GFOD2: variants seen among roughly 807,000 people sequenced by gnomAD.
GFOD2 encodes glucose-fructose oxidoreductase domain-containing protein 2.
A neutral mutation model predicts 24.6 loss-of-function variants in GFOD2; 9 were observed. The ratio of observed to expected loss-of-function variants is 0.37; its 90% CI spans 0.22 to 0.64. GFOD2 has a LOEUF of 0.64. Ranked by LOEUF, GFOD2 falls within the 30% of genes least tolerant of loss-of-function variation. The pLI is 0.65. For synonymous variants in GFOD2, 211 were observed against 224.8 expected (o/e 0.94, Z 0.55); for missense variants, 476 against 532.5 (o/e 0.89, Z 1.04).
chr16:67,703,319 C>G (rs539284387), intron 1 of GFOD2, among the ~76,000 whole-genome samples: 2 of 152,250 alleles, frequency 1.3e-5, no homozygotes, highest in African/African-American at 4.8e-5. Context: ...AGGAGAATCG[C>G]TTGAACCCAG....
At chr16:67,676,093 G>A (rs1269410750) in intron 2 of GFOD2, 40 bp from the exon 3 acceptor site, 4 of 1,530,228 alleles carry the variant, frequency 2.6e-6, no homozygotes, top group Non-Finnish European at 3.5e-6. Context: ...AAGTTTCAAG[G>A]GGGAATCTCC....
intron 1 of GFOD2, among the ~76,000 whole-genome samples, chr16:67,695,084 TC>T (rs2053348737): frequency 6.8e-6 from 1 of 147,968 alleles, no homozygotes; most frequent in South Asian, 2.2e-4. Context: ...CCTTTGCCGC[TC>T]CGGTTCAAGC....
chr16:67,677,774 T>C (rs1215757062), intron 2 of GFOD2: 1 of 152,276 alleles, frequency 6.6e-6, no homozygotes, highest in Non-Finnish European at 1.5e-5. Flanking sequence ...ACCCTTCTAG[T>C]TGAAGCCCAT....
rs79100756 is a variant in GFOD2, at chr16:67,702,456, A to G, written c.-87-16654T>C. 4.5e-3 allele frequency among the ~76,000 whole-genome samples: 677 copies of G among 151,994 alleles called. 32 individuals are homozygous for G. In the East Asian group the frequency reaches 0.099, roughly 22 times the overall value. On this transcript the variant is annotated intron_variant, in intron 1 of 2. Transcript: ENST00000268797. ...GTCACTGCACTCCAGCCTGGGCAAC[A>G]GAGTGACTCTGTCTTAAAAAAAAAA...
intron 1 of GFOD2, among the ~76,000 whole-genome samples, chr16:67,716,483 C>T (rs1406342591): frequency 6.6e-6 from 1 of 152,200 alleles, no homozygotes; most frequent in Non-Finnish European, 1.5e-5. Context: ...CCACAGGTCA[C>T]ACCACAGCCG....
At chr16:67,717,785 C>T (rs963327616) in intron 1 of GFOD2, among the ~76,000 whole-genome samples, 10 of 129,656 alleles carry the variant, frequency 7.7e-5, no homozygotes, top group African/African-American at 8.6e-5. Context: ...AGTGAGACTC[C>T]GTCTCGATAG....
At chr16:67,707,814 G>A (rs1188800316) in intron 1 of GFOD2, among the ~76,000 whole-genome samples, 1 of 152,100 alleles carries the variant, frequency 6.6e-6, no homozygotes, top group African/African-American at 2.4e-5. Context: ...GTCTTCTAAA[G>A]TGCTGGGATT....
chr16:67,683,825 A>C, intron 2 of GFOD2: 2 of 1,220,428 alleles, frequency 1.6e-6, no homozygotes, highest in Non-Finnish European at 2.0e-6. Flanking sequence ...CGGTTCCTCG[A>C]CCTAGAGATC....
At chr16:67,689,446 G>C (rs1470034374) in intron 1 of GFOD2, among the ~76,000 whole-genome samples, 1 of 151,744 alleles carries the variant, frequency 6.6e-6, no homozygotes, top group Non-Finnish European at 1.5e-5. Context: ...CAAGGTGGGT[G>C]GATCACCTGA....
Position 67,696,462 on chromosome 16 carries a change from A to G in GFOD2, c.-87-10660T>C, listed in dbSNP as rs573497683. ...TATATAAGTATCGGTAGCTTAAAAC[A>G]ACAGAATGGACTAGAATTTTTTTTC... is the stretch of plus-strand genomic sequence containing the variant. On this transcript the variant is annotated intron_variant, in intron 1 of 2. Coordinates refer to ENST00000268797, the MANE Select transcript of GFOD2 (RefSeq NM_030819.4). Among the ~76,000 whole-genome samples, 3 of 152,082 alleles carry G rather than the reference A, an allele frequency of 2.0e-5. 1 individual carries two copies. In the South Asian group the frequency reaches 6.2e-4, roughly 32 times the overall value.
At chr16:67,715,124 T>A (rs2053498236) in intron 1 of GFOD2, among the ~76,000 whole-genome samples, 1 of 152,244 alleles carries the variant, frequency 6.6e-6, no homozygotes, top group Admixed American at 6.5e-5. Flanking sequence ...AATGGCACGA[T>A]CTTGGCTTAC....
chr16:67,701,772 G>C (rs1369362102), intron 1 of GFOD2, among the ~76,000 whole-genome samples: 1 of 148,446 alleles, frequency 6.7e-6, no homozygotes, highest in Admixed American at 6.8e-5. Context: ...CAATCAATGT[G>C]ACTGACCCCA....
At chr16:67,676,301 A>AT (rs1034250492) in intron 2 of GFOD2, 3,809 of 410,292 alleles carry the variant, frequency 9.3e-3, no homozygotes, top group Middle Eastern at 0.012. Flanking sequence ...CTAATTTAAA[A>AT]TTTTTTTTTT....
At chr16:67,680,812 G>C in intron 2 of GFOD2, 2 of 974,220 alleles carry the variant, frequency 2.1e-6, no homozygotes, top group Non-Finnish European at 2.4e-6. Context: ...TGTGCACAAC[G>C]TGCAGGTTTG....
intron 1 of GFOD2, among the ~76,000 whole-genome samples, chr16:67,689,563 C>T (rs189092770): frequency 4.3e-4 from 65 of 151,680 alleles, no homozygotes; most frequent in African/African-American, 1.5e-3. Context: ...TCCAGCTACT[C>T]GGGAGGTGGA....
intron 1 of GFOD2, among the ~76,000 whole-genome samples, chr16:67,718,292 A>G (rs1157907265): frequency 6.6e-6 from 1 of 152,232 alleles, no homozygotes; most frequent in Non-Finnish European, 1.5e-5. Flanking sequence ...TGGACATTTA[A>G]AAGGACATCC....
chr16:67,685,641 T>C lies in GFOD2; in HGVS notation c.75A>G (p.Ala25=). ...SARVLVPLLR[A]EGFTVEALWG... ...ACAGGGCCTCAACAGTGAACCCTTC[T>C]GCCCTCAGCAGTGGGACCAGAACTC... The change falls in exon 2 of 3, where the codon GCA becomes GCG. Residue 25 remains alanine (A), a synonymous_variant. Coordinates refer to ENST00000268797, the MANE Select transcript of GFOD2 (RefSeq NM_030819.4). 1 of 1,614,188 alleles carries C rather than the reference T, an allele frequency of 6.2e-7. No individual in the cohort carries two copies. Among genetic ancestry groups the C allele is most frequent in the African/African-American group, 1.3e-5 (1 of 75,058 alleles).
At chr16:67,715,503 TG>T (rs1198822665) in intron 1 of GFOD2, among the ~76,000 whole-genome samples, 1 of 151,992 alleles carries the variant, frequency 6.6e-6, no homozygotes, top group Admixed American at 6.6e-5. Context: ...GAATTCTTCC[TG>T]CTTTCATGTT....
chr16:67,683,013 C>A, intron 2 of GFOD2: 2 of 292,732 alleles, frequency 6.8e-6, no homozygotes, highest in Non-Finnish European at 1.0e-5. Context: ...GTCACTCAAG[C>A]TGGAGTGCAT....
Sources: allele counts gnomAD v4.1 joint callset (sites outside exome capture counted in the v4.1 genomes callset), GRCh38; gene constraint gnomAD v4.1.1; transcripts MANE v1.5; gene names NCBI Gene and HGNC (gene_info 2026-07-23, HGNC 2026-07-21).